The following DGKQ variants were observed in gnomAD, a reference collection of about 807,000 sequenced individuals.
DGKQ encodes the protein diacylglycerol kinase theta.
Under a neutral mutation model 104.2 loss-of-function variants are expected in DGKQ, and 97 were observed. The observed-to-expected ratio is 0.93, with a 90% CI of 0.79 to 1.10. The LOEUF is 1.10. Ranked by LOEUF, DGKQ falls within the 50% of genes least tolerant of loss-of-function variation. The pLI is 0.00. For synonymous variants in DGKQ, 736 were observed against 595.2 expected (o/e 1.24, Z -3.44); for missense variants, 1,465 against 1,352.1 (o/e 1.08, Z -1.31).
chr4:966,608 G>GT (rs1712366148), intron 11 of DGKQ, 81 bp from the exon 12 acceptor site: 1 of 1,517,824 alleles, frequency 6.6e-7, no homozygotes, highest in Non-Finnish European at 9.0e-7. Context: ...CCCAGGGCCC[G>GT]TGGGGATGCA....
intron 2 of DGKQ, among the ~76,000 whole-genome samples, chr4:970,193 G>A (rs1186886367): frequency 6.6e-6 from 1 of 152,262 alleles, no homozygotes; most frequent in Non-Finnish European, 1.5e-5. Flanking sequence ...ATGCCCGCCA[G>A]TGGCAGGTGT....
Position 968,363 on chromosome 4 carries a change from T to A in DGKQ, c.582A>T (p.Gly194=). 3 of 1,499,676 alleles carry A rather than the reference T, an allele frequency of 2.0e-6. No individual in the cohort carries two copies. The highest frequency in any genetic ancestry group is 2.7e-6 in the Non-Finnish European group (3 of 1,123,420). The allele number at this position is 1,499,676 out of a possible 1,614,324, so 92.9% of individuals were successfully genotyped here. ...HHWREGNLPS[G]ARCEVCRKTC... is the part of the protein sequence containing the mutation. ...TCTTCCTGCAGACCTCGCAGCGCGC[T>A]CCCGAGGGCAGGTTCCCCTCCCGCC... is the stretch of plus-strand genomic sequence containing the variant. The change falls in exon 5 of 23, where the codon GGA becomes GGT. Residue 194 remains glycine (G), a synonymous_variant. Transcript: ENST00000273814.
intron 8 of DGKQ, 35 bp from the exon 9 acceptor site, chr4:967,396 G>A (rs767456960): frequency 6.8e-7 from 1 of 1,468,512 alleles, no homozygotes; most frequent in South Asian, 1.2e-5. Flanking sequence ...CCAAGTTGTG[G>A]GGGGTCAGGC....
intron 2 of DGKQ, among the ~76,000 whole-genome samples, chr4:970,089 A>G (rs948668158): frequency 3.3e-5 from 5 of 152,270 alleles, no homozygotes; most frequent in African/African-American, 1.2e-4. Context: ...GTCGGCCACC[A>G]CCAGGACCAC....
In DGKQ at chr4:966,069, G is replaced by A. The variant is rs773830699; in HGVS notation, c.1438C>T (p.Arg480Trp). ...TAGAACCGCGTCTGGCTCACCTGCCGCACAGACATCTGCAGGGAGAGGGGC... is the reference window on the plus strand; with the variant it reads ...TAGAACCGCGTCTGGCTCACCTGCCACACAGACATCTGCAGGGAGAGGGGC... ...RLQDIRQMSVRQVSQTRFYVA... is the reference protein window; with the variant it reads ...RLQDIRQMSVWQVSQTRFYVA... Residue 480 changes from arginine to tryptophan, a missense_variant, in exon 13 of 23, where the codon CGG becomes TGG. By Grantham distance (101) the Arg-to-Trp change is moderately radical. Transcript: ENST00000273814. The A allele has an allele frequency of 6.0e-5, 96 of 1,599,948 alleles. No individual in the cohort carries two copies. The highest frequency in any genetic ancestry group is 1.6e-4 in the Middle Eastern group (1 of 6,066).
intron 15 of DGKQ, among the ~76,000 whole-genome samples, chr4:963,760 TCA>T (rs1712072083): frequency 6.6e-6 from 1 of 152,126 alleles, no homozygotes; most frequent in Non-Finnish European, 1.5e-5. Context: ...AGCTCTTAAC[TCA>T]CAGGGTGGCA....
Position 967,027 on chromosome 4 carries a change from T to C in DGKQ, c.1248A>G (p.Arg416=). The C allele has an allele frequency of 6.4e-7, 1 of 1,562,940 alleles. No homozygotes were observed. ...LKVGVAYVSV[R]VTPKSTARSV... ...AGCGGGCCGTGCTCTTCGGGGTCAC[T>C]CGCACGGACACGTAGGCCACGCCCA... is the stretch of plus-strand genomic sequence containing the variant. The change falls in exon 10 of 23, where the codon CGA becomes CGG. Residue 416 remains arginine (R), a synonymous_variant. Coordinates refer to ENST00000273814, the MANE Select transcript of DGKQ (RefSeq NM_001347.4).
rs768444769 is a variant in DGKQ, at chr4:962,508, C to T, written c.2141G>A (p.Arg714His). ...VDEADAVLMD[R>H]WTILLDAHEA... is the part of the protein sequence containing the mutation. ...GTGGGCATCCAGCAGGATGGTCCAG[C>T]GGTCCATGAGCACGGCGTCGGCCTC... The change falls in exon 18 of 23, where the codon CGC becomes CAC. Residue 714 changes from arginine (R) to histidine (H), a missense_variant. Physicochemically the swap from Arg to His is conservative, Grantham distance 29. Transcript: ENST00000273814. 7 of 1,609,392 alleles carry T rather than the reference C, an allele frequency of 4.3e-6. No homozygotes were observed. The highest frequency in any genetic ancestry group is 5.9e-6 in the Non-Finnish European group (7 of 1,179,834).
In DGKQ at chr4:962,641, T is replaced by A. The variant is rs766375712; in HGVS notation, c.2036-28A>T. 12 of 1,600,036 alleles carry A rather than the reference T, an allele frequency of 7.5e-6. No individual in the cohort carries two copies. The South Asian group carries it at 1.3e-4, about 18-fold the overall frequency. On this transcript the variant is annotated intron_variant, in intron 17 of 22. Coordinates refer to ENST00000273814, the MANE Select transcript of DGKQ (RefSeq NM_001347.4). The stretch of plus-strand genomic sequence containing the variant: ...GGGACACAAGCAGACACAGAGCATC[T>A]GTCCACACCCACCCGCCCATCAGCT...
Position 965,970 on chromosome 4 carries a change from C to T in DGKQ, c.1537G>A (p.Glu513Lys), listed in dbSNP as rs141174156. The T allele has an allele frequency of 5.9e-5, 95 of 1,605,286 alleles. No homozygotes were observed. Among genetic ancestry groups the T allele is most frequent in the Middle Eastern group, 1.7e-4 (1 of 6,046 alleles). The change falls in exon 13 of 23, where the codon GAG becomes AAG. Residue 513 changes from glutamate to lysine, a missense_variant. By Grantham distance (56) the Glu-to-Lys change is moderately conservative. Transcript: ENST00000273814. ...VGGLPPGLSPEEYSSLLHEAG... is the reference protein window; with the variant it reads ...VGGLPPGLSPKEYSSLLHEAG... ...TCATGCAGCAGGCTGCTGTACTCCT[C>T]GGGAGACAGGCCGGGAGGCAGGCCG...
chr4:962,784 G>T lies in DGKQ; in HGVS notation c.2023C>A (p.Pro675Thr). ...CGGCTGAGCCCACCTGTGCCCAGGG[G>T]CAGGATGGCCACAGAAGGCTCCGGG... ...ACPEPSVAIL[P>T]LGTGNDLGRV... Residue 675 changes from proline (P) to threonine (T), a missense_variant, in exon 17 of 23, where the codon CCC (proline) becomes ACC (threonine). Coordinates refer to ENST00000273814, the MANE Select transcript of DGKQ (RefSeq NM_001347.4). The T allele has an allele frequency of 6.2e-7, 1 of 1,605,746 alleles. No homozygotes were observed. Among genetic ancestry groups the T allele is most frequent in the Non-Finnish European group, 8.5e-7 (1 of 1,177,046 alleles).
chr4:969,472 G>T (rs1712751285), intron 2 of DGKQ, among the ~76,000 whole-genome samples: 1 of 152,254 alleles, frequency 6.6e-6, no homozygotes, highest in South Asian at 2.1e-4. Context: ...GAAGGACCAA[G>T]TCTTCACTCC....
chr4:968,354 G>A lies in DGKQ; in HGVS notation c.591C>T (p.Cys197=), dbSNP rs369089155. ...AGCCGCACGTCTTCCTGCAGACCTC[G>A]CAGCGCGCTCCCGAGGGCAGGTTCC... is the stretch of plus-strand genomic sequence containing the variant. ...REGNLPSGAR[C]EVCRKTCGSS... Residue 197 remains cysteine (C), a synonymous_variant, in exon 5 of 23, where the codon TGC becomes TGT. Transcript: ENST00000273814. 43 of 1,471,138 alleles carry A rather than the reference G, an allele frequency of 2.9e-5. No individual in the cohort carries two copies. The highest frequency in any genetic ancestry group is 3.9e-5 in the Non-Finnish European group (43 of 1,108,208). The allele number at this position is 1,471,138 out of a possible 1,614,324, so 91.1% of individuals were successfully genotyped here.
chr4:972,531 C>T (rs1263650866), intron 1 of DGKQ, among the ~76,000 whole-genome samples: 6 of 141,054 alleles, frequency 4.3e-5, no homozygotes, highest in Admixed American at 2.8e-4. Context: ...TCCAGAACTC[C>T]GGTCCTGTCC....
rs764911180 is a variant in DGKQ at position 965,953 on chromosome 4, C to T, written c.1554G>A (p.Leu518=). The T allele has an allele frequency of 6.2e-7, 1 of 1,604,854 alleles. No homozygotes were observed. The highest frequency in any genetic ancestry group is 2.2e-5 in the East Asian group (1 of 44,632). Residue 518 remains leucine, a synonymous_variant, in exon 13 of 23, where the codon CTG becomes CTA. Coordinates refer to ENST00000273814, the MANE Select transcript of DGKQ (RefSeq NM_001347.4). The part of the protein sequence containing the change: ...PGLSPEEYSS[L]LHEAGATKAT... ...CTTTGGTAGCCCCGGCCTCATGCAG[C>T]AGGCTGCTGTACTCCTCGGGAGACA...
At position 971,317 on chromosome 4, in the gene DGKQ, G is replaced by C. The variant is rs374496168; in HGVS notation, c.272-245C>G. On this transcript the variant is annotated intron_variant, in intron 1 of 22. Coordinates refer to ENST00000273814, the MANE Select transcript of DGKQ (RefSeq NM_001347.4). The surrounding 1 kb of genome is among the most constrained non-coding windows in gnomAD (Gnocchi z 4.0). Reference sequence around the variant, plus strand: ...GACAATGAGTGTATCCTCTCATCCAGAGAGCAGTCCCTCCCCTTCGCACGT... The same window carrying C: ...GACAATGAGTGTATCCTCTCATCCACAGAGCAGTCCCTCCCCTTCGCACGT... Among the ~76,000 whole-genome samples, 32 of 152,274 alleles carry C rather than the reference G, an allele frequency of 2.1e-4. No individual in the cohort carries two copies. The East Asian group carries it at 5.8e-3, about 28-fold the overall frequency.
Position 962,009 on chromosome 4 carries a change from T to A in DGKQ, c.2288A>T (p.Glu763Val). 6.2e-7 allele frequency: 1 copy of A among 1,613,130 alleles called. No individual in the cohort carries two copies. Among genetic ancestry groups the A allele is most frequent in the Non-Finnish European group, 8.5e-7 (1 of 1,179,930 alleles). ...GCTTGTGAACTTGCCAGGCTCCTCT[T>A]CCCGTGCCTGGTGGAAGTCCAGGCT... is the stretch of plus-strand genomic sequence containing the variant. ...ELSLDFHQAR[E>V]EEPGKFTSRL... Residue 763 changes from glutamate to valine, a missense_variant, in exon 19 of 23, where the codon GAA becomes GTA. Physicochemically the swap from Glu to Val is moderately radical, Grantham distance 121. Coordinates refer to ENST00000273814, the MANE Select transcript of DGKQ (RefSeq NM_001347.4).
Position 961,043 on chromosome 4 carries a change from A to G in DGKQ, c.2727+6T>C. 6.2e-7 allele frequency: 1 copy of G among 1,611,846 alleles called. No individual in the cohort carries two copies. Among genetic ancestry groups the G allele is most frequent in the Non-Finnish European group, 8.5e-7 (1 of 1,179,508 alleles). ...TCCCCTGGCTCTCCAGCCTCACCCC[A>G]CATACCTTAGGGCCAGCAGCTGAGA... On this transcript the variant is annotated splice_donor_region_variant and intron_variant, in intron 22 of 22. Coordinates refer to ENST00000273814, the MANE Select transcript of DGKQ (RefSeq NM_001347.4).
chr4:970,320 C>T (rs112085647), intron 2 of DGKQ, among the ~76,000 whole-genome samples: 2 of 152,248 alleles, frequency 1.3e-5, no homozygotes, highest in African/African-American at 4.8e-5. Flanking sequence ...AGTCTGAAGA[C>T]GGCGACGCTG....
Sources: gnomAD v4.1 joint callset for allele counts (sites outside exome capture counted in the v4.1 genomes callset) on GRCh38, gnomAD v4.1.1 for gene constraint, Gnocchi (gnomAD v3.1) non-coding constraint, MANE v1.5 for transcripts, NCBI Gene and HGNC (gene_info 2026-07-23, HGNC 2026-07-21) for gene names.